ZNF704: variants seen among roughly 807,000 people sequenced by gnomAD.
ZNF704 encodes glucocorticoid induced gene 1.
In ZNF704, 10 loss-of-function variants were observed where a neutral mutation model predicts 44.7. That is an observed-to-expected ratio of 0.22 (90% CI 0.14 to 0.38). The LOEUF (loss-of-function observed/expected upper bound fraction) is 0.38. ZNF704 is among the 10% of genes least tolerant of loss of function. The pLI is 1.00. For synonymous variants in ZNF704, 211 were observed against 207.6 expected, an observed-to-expected ratio of 1.02 and a Z score of -0.14; for missense variants, 390 against 545.5, an observed-to-expected ratio of 0.71 and a Z score of 2.84.
chr8:80,663,918 T>C (rs1381792817), intron 6 of ZNF704, among the ~76,000 whole-genome samples: 2 of 151,146 alleles, frequency 1.3e-5, no homozygotes, highest in African/African-American at 4.9e-5. Context: ...TTTGTAGATA[T>C]GGGGGTCTCA....
chr8:80,661,556 CA>C (rs111877055), intron 6 of ZNF704, among the ~76,000 whole-genome samples: 49 of 152,206 alleles, frequency 3.2e-4, no homozygotes, highest in African/African-American at 1.1e-3. Flanking sequence ...AAGTGTCCAT[CA>C]ACAGATGAAG....
At chr8:80,746,121 C>T (rs1230568861) in intron 2 of ZNF704, among the ~76,000 whole-genome samples, 1 of 152,030 alleles carries the variant, frequency 6.6e-6, no homozygotes, top group African/African-American at 2.4e-5. Context: ...AGGTATTTAC[C>T]CAAGCGAAGT....
At chr8:80,651,980 G>A (rs1250711671) in intron 7 of ZNF704, among the ~76,000 whole-genome samples, 2 of 151,830 alleles carry the variant, frequency 1.3e-5, no homozygotes, top group African/African-American at 4.8e-5. Context: ...TCAGACCACA[G>A]TGCAATCAAA....
chr8:80,853,315 C>A (rs112157691), intron 1 of ZNF704, among the ~76,000 whole-genome samples: 2 of 152,146 alleles, frequency 1.3e-5, no homozygotes, highest in Non-Finnish European at 1.5e-5. Context: ...GTGCAGTGAG[C>A]CACGTTTGCA....
At chr8:80,725,229 G>A (rs377445731) in intron 2 of ZNF704, among the ~76,000 whole-genome samples, 5 of 152,098 alleles carry the variant, frequency 3.3e-5, no homozygotes, top group Non-Finnish European at 7.4e-5. Context: ...CTGGAAAAAA[G>A]GCCAGTCCTT....
At chr8:80,841,288 G>A (rs1024835106) in intron 1 of ZNF704, among the ~76,000 whole-genome samples, 3 of 152,170 alleles carry the variant, frequency 2.0e-5, no homozygotes, top group Non-Finnish European at 2.9e-5. Context: ...TCTAGCTACA[G>A]GGCATTCTAG....
intron 2 of ZNF704, among the ~76,000 whole-genome samples, chr8:80,710,314 G>A (rs1425022517): frequency 3.3e-5 from 5 of 152,108 alleles, no homozygotes; most frequent in Admixed American, 3.3e-4. Flanking sequence ...GTCAGCCACT[G>A]TTCAGCCTGT....
chr8:80,837,112 T>C (rs969895140), intron 1 of ZNF704, among the ~76,000 whole-genome samples: 2 of 152,158 alleles, frequency 1.3e-5, no homozygotes, highest in African/African-American at 4.8e-5. Flanking sequence ...AGATGCCAAG[T>C]TCCTAGGGCT....
At position 80,634,419 on chromosome 8, in the gene ZNF704, T is replaced by C. The variant is rs1449540224; in HGVS notation, c.*6947A>G. 1 of 152,264 alleles carries C rather than the reference T, an allele frequency of 6.6e-6. No individual in the cohort carries two copies. The highest frequency in any genetic ancestry group is 2.4e-5 in the African/African-American group (1 of 41,462). The allele number at this position is 152,264 out of a possible 1,614,324, so 9.4% of individuals were successfully genotyped here. ...CCGACATGTGAGTTTGTGGGGCTGA[T>C]GGATGAACCTGACCTGACAACTGTG... On this transcript the variant is annotated 3_prime_UTR_variant, in exon 9 of 9. Transcript: ENST00000327835.
At chr8:80,677,307 CAAT>C (rs1818384051) in intron 4 of ZNF704, among the ~76,000 whole-genome samples, 1 of 152,136 alleles carries the variant, frequency 6.6e-6, no homozygotes, top group Admixed American at 6.5e-5. Flanking sequence ...TTCGTCCTTG[CAAT>C]AATATGTCAA....
At chr8:80,710,643 C>T (rs1818971102) in intron 2 of ZNF704, among the ~76,000 whole-genome samples, 1 of 152,248 alleles carries the variant, frequency 6.6e-6, no homozygotes, top group Admixed American at 6.5e-5. Flanking sequence ...AGAAGAGACA[C>T]CAGAGCCTCC....
chr8:80,675,777 T>A (rs1818355417), intron 4 of ZNF704, among the ~76,000 whole-genome samples: 1 of 152,134 alleles, frequency 6.6e-6, no homozygotes, highest in African/African-American at 2.4e-5. Flanking sequence ...AGATGCCTAT[T>A]ATGTATCAAA....
chr8:80,705,010 G>A (rs892803150), intron 2 of ZNF704, among the ~76,000 whole-genome samples: 1 of 152,104 alleles, frequency 6.6e-6, no homozygotes, highest in Admixed American at 6.6e-5. Context: ...GAATTCTTGT[G>A]GGACTGACAC....
At chr8:80,833,191 C>T (rs889271013) in intron 1 of ZNF704, among the ~76,000 whole-genome samples, 7 of 151,994 alleles carry the variant, frequency 4.6e-5, no homozygotes, top group Admixed American at 6.6e-5. Context: ...ACTAAAAATA[C>T]GAAAACAAAT....
chr8:80,736,924 T>C (rs1458788055), intron 2 of ZNF704, among the ~76,000 whole-genome samples: 2 of 151,388 alleles, frequency 1.3e-5, no homozygotes, highest in African/African-American at 4.9e-5. Context: ...TCTAGGGCTT[T>C]GGGCCCTGGT....
intron 2 of ZNF704, among the ~76,000 whole-genome samples, chr8:80,799,068 T>C (rs1807856536): frequency 6.6e-6 from 1 of 152,204 alleles, no homozygotes; most frequent in South Asian, 2.1e-4. Context: ...CATTAACCCA[T>C]TAATCCATTG....
intron 2 of ZNF704, among the ~76,000 whole-genome samples, chr8:80,697,907 G>T (rs960328212): frequency 6.6e-6 from 1 of 152,188 alleles, no homozygotes; most frequent in Non-Finnish European, 1.5e-5. Flanking sequence ...ATAATGAAAA[G>T]ACTGCTATAA....
chr8:80,743,869 G>A (rs1806803880), intron 2 of ZNF704, among the ~76,000 whole-genome samples: 1 of 152,190 alleles, frequency 6.6e-6, no homozygotes, highest in Admixed American at 6.5e-5. Flanking sequence ...CACAGTGGAT[G>A]GTTCAGTAAG....
chr8:80,866,055 G>C (rs1441997432), intron 1 of ZNF704, among the ~76,000 whole-genome samples: 1 of 152,064 alleles, frequency 6.6e-6, no homozygotes, highest in Admixed American at 6.5e-5. Context: ...AGAGCAACTG[G>C]AGTTATTTGC....
Sources: allele counts gnomAD v4.1 joint callset (sites outside exome capture counted in the v4.1 genomes callset), GRCh38; gene constraint gnomAD v4.1.1; transcripts MANE v1.5; gene names NCBI Gene and HGNC (gene_info 2026-07-23, HGNC 2026-07-21).